The following BRWD1 variants were observed in gnomAD, a reference collection of about 807,000 sequenced individuals.
BRWD1 encodes the protein bromodomain and WD repeat-containing protein 1.
A neutral mutation model predicts 251.2 loss-of-function variants in BRWD1; 82 were observed. That is an observed-to-expected ratio of 0.33 (90% CI 0.27 to 0.39). The LOEUF is 0.39. BRWD1 is among the 10% of genes least tolerant of loss of function. BRWD1 has a pLI of 1.00. For synonymous variants in BRWD1, 918 were observed against 902.8 expected, an observed-to-expected ratio of 1.02 and a Z score of -0.30; for missense variants, 2,233 against 2,711.6, an observed-to-expected ratio of 0.82 and a Z score of 3.92.
At chr21:39,277,122 A>G in intron 11 of BRWD1, 129 bp downstream of exon 11, 1 of 526,340 alleles carries the variant, frequency 1.9e-6, no homozygotes, top group Non-Finnish European at 3.1e-6. Flanking sequence ...AAAAAGTTAT[A>G]AATGACAGTT....
intron 5 of BRWD1, 160 bp downstream of exon 5, chr21:39,298,272 A>C (rs1488707030): frequency 7.7e-7 from 1 of 1,292,842 alleles, no homozygotes; most frequent in Non-Finnish European, 9.9e-7. Flanking sequence ...CTTATGTAAT[A>C]AAATTCAATG....
intron 8 of BRWD1, among the ~76,000 whole-genome samples, chr21:39,286,385 G>A (rs907953541): frequency 5.9e-5 from 9 of 152,014 alleles, no homozygotes; most frequent in African/African-American, 4.8e-5. Flanking sequence ...TGCAGCCATC[G>A]CCACTACCTA....
intron 25 of BRWD1, among the ~76,000 whole-genome samples, chr21:39,230,409 C>T (rs1052232764): frequency 3.3e-5 from 5 of 152,254 alleles, no homozygotes; most frequent in South Asian, 2.1e-4. Flanking sequence ...TTATTCACAG[C>T]AGTTATGTTC....
At chr21:39,283,401 G>A (rs1191667775) in intron 8 of BRWD1, among the ~76,000 whole-genome samples, 2 of 152,050 alleles carry the variant, frequency 1.3e-5, no homozygotes, top group Non-Finnish European at 1.5e-5. Context: ...CCAAGACTCC[G>A]GTCAGTATTT....
At position 39,264,781 on chromosome 21, in the gene BRWD1, A is replaced by C; in HGVS notation, c.1660-96T>G. On this transcript the variant is annotated intron_variant, in intron 16 of 40. Transcript: ENST00000342449. ...TTAATTAAAACTAGAAAAACAAGGA[A>C]ATCAAATCACTCAGCTAAACTGTTT... is the stretch of plus-strand genomic sequence containing the variant. 4.0e-6 allele frequency: 6 copies of C among 1,515,318 alleles called. 1 individual carries two copies. In the South Asian group the frequency reaches 4.9e-5, roughly 12 times the overall value. 93.9% of individuals were successfully genotyped at this position (1,515,318 alleles called of 1,614,324 possible). A position where few individuals can be genotyped will look rare whatever the true frequency, so the allele number is the denominator to read the frequency against.
At chr21:39,238,378 C>G in intron 22 of BRWD1, 101 bp downstream of exon 22, 2 of 845,340 alleles carry the variant, frequency 2.4e-6, no homozygotes, top group East Asian at 2.7e-5. Context: ...AAAAACTGTT[C>G]CACAGTTGCA....
chr21:39,264,428 TAAAA>T (rs33939736), intron 17 of BRWD1, 28 bp downstream of exon 17: 69,312 of 1,147,690 alleles, frequency 0.06, 17 homozygotes, highest in Middle Eastern at 0.076. Context: ...AGTACAACTT[TAAAA>T]AAAAAAAAAA....
chr21:39,238,629 C>T, intron 21 of BRWD1, 56 bp from the exon 22 acceptor site: 1 of 1,222,012 alleles, frequency 8.2e-7, no homozygotes, highest in South Asian at 1.2e-5. Flanking sequence ...CAACACATGT[C>T]CAGAAAAAAG....
At position 39,197,068 on chromosome 21, in the gene BRWD1, G is replaced by A. The variant is rs1003037448; in HGVS notation, c.6001C>T (p.Pro2001Ser). Residue 2001 changes from proline (P) to serine (S), a missense_variant, in exon 41 of 41, where the codon CCT (proline) becomes TCT (serine). Around this residue, in one of 12 missense-constraint regions of BRWD1, gnomAD observed 928 missense variants for 970.0 expected, o/e 0.96. Coordinates refer to ENST00000342449, the MANE Select transcript of BRWD1 (RefSeq NM_033656.4). ...ACTTTTGTACTACCTTCGGAGTCAG[G>A]ATCAGGTGGCTTGCCTTCACAGGCA... ...QYACEGKPPD[P>S]DSEGSTKVLS... 3.7e-6 allele frequency: 6 copies of A among 1,614,010 alleles called. No individual in the cohort carries two copies. The African/African-American group carries it at 6.7e-5, about 18-fold the overall frequency.
intron 31 of BRWD1, chr21:39,217,010 AATATATATATATAT>A (rs67133519): frequency 1.3e-5 from 1 of 78,146 alleles, no homozygotes; most frequent in Non-Finnish European, 2.2e-5. Context: ...AGCTCCCACA[AATATATATATATAT>A]ATATATATAT....
intron 9 of BRWD1, among the ~76,000 whole-genome samples, chr21:39,279,331 T>C (rs1276019546): frequency 6.6e-6 from 1 of 152,160 alleles, no homozygotes; most frequent in East Asian, 1.9e-4. Flanking sequence ...ATACTCGTTA[T>C]TCAAGATATG....
chr21:39,270,097 T>C (rs983402665), intron 14 of BRWD1, 64 bp from the exon 15 acceptor site: 52 of 1,354,186 alleles, frequency 3.8e-5, no homozygotes, highest in Non-Finnish European at 4.7e-5. Context: ...AATTTAAAAA[T>C]ACATACTGTT....
Position 39,236,704 on chromosome 21 carries a change from C to A in BRWD1, c.2657G>T (p.Arg886Leu), listed in dbSNP as rs1320404225. ...LQPPLRTSCR[R>L]RITRFCSSSE... is the part of the protein sequence containing the mutation. ...ACTACTACAAAATCGAGTAATTCGT[C>A]GACGACATGATGTTCTTAAAGGAGG... Residue 886 changes from arginine to leucine, a missense_variant, in exon 23 of 41, where the codon CGA becomes CTA. Arg to Leu is a moderately radical substitution (Grantham distance 102, BLOSUM62 -2). Around this residue, in one of 12 missense-constraint regions of BRWD1, gnomAD observed 214 missense variants for 222.0 expected, o/e 0.96. Transcript: ENST00000342449. 1.2e-6 allele frequency: 2 copies of A among 1,614,014 alleles called. No individual in the cohort carries two copies. The highest frequency in any genetic ancestry group is 8.5e-7 in the Non-Finnish European group (1 of 1,179,978).
chr21:39,265,122 A>T, intron 15 of BRWD1, 103 bp from the exon 16 acceptor site: 4 of 368,278 alleles, frequency 1.1e-5, no homozygotes, highest in East Asian at 1.0e-4. Context: ...ATCCCTTCTG[A>T]AAAAAAAAAA....
rs753403146 is a variant in BRWD1, at chr21:39,196,275, T to C, written c.6794A>G (p.Asn2265Ser). 1.1e-5 allele frequency: 17 copies of C among 1,600,762 alleles called. No homozygotes were observed. Among genetic ancestry groups the C allele is most frequent in the Middle Eastern group, 1.7e-4 (1 of 6,008 alleles). ...CCCTCAAGGTCATAAGGTGCAACCA[T>C]TGAAATCTAACACATTTTCTAAACT... is the stretch of plus-strand genomic sequence containing the variant. ...DRSLENVLDF[N>S]GCTL Residue 2265 changes from asparagine to serine, a missense_variant, in exon 41 of 41, where the codon AAT becomes AGT. Physicochemically the swap from Asn to Ser is conservative, Grantham distance 46. This residue lies in a region of BRWD1 where 928 missense variants were observed against 970.0 expected (regional missense o/e 0.96). Coordinates refer to ENST00000342449, the MANE Select transcript of BRWD1 (RefSeq NM_033656.4).
chr21:39,221,705 G>A (rs1049218568), intron 29 of BRWD1, among the ~76,000 whole-genome samples: 3 of 152,122 alleles, frequency 2.0e-5, no homozygotes, highest in African/African-American at 4.8e-5. Context: ...GGAGGCCAAC[G>A]CAGGCATATC....
rs1351961614 is a variant in BRWD1 at position 39,199,596 on chromosome 21, G to A, written c.4820C>T (p.Ser1607Phe). The A allele has an allele frequency of 1.2e-6, 2 of 1,613,942 alleles. No individual in the cohort carries two copies. The highest frequency in any genetic ancestry group is 3.3e-5 in the Admixed American group (2 of 59,982). Reference sequence around the variant, plus strand: ...ACCAGTCTCCAATGAATTGTTATCAGAATCACTTAAATAGACTCTCTTTCG... The same window carrying A: ...ACCAGTCTCCAATGAATTGTTATCAAAATCACTTAAATAGACTCTCTTTCG... ...ATRKRVYLSDSDNNSLETGEI... is the reference protein window; with the variant it reads ...ATRKRVYLSDFDNNSLETGEI... The change falls in exon 40 of 41, where the codon TCT (serine) becomes TTT (phenylalanine). Residue 1607 changes from serine (S) to phenylalanine (F), a missense_variant. Physicochemically the swap from Ser to Phe is radical, Grantham distance 155. Around this residue, in one of 12 missense-constraint regions of BRWD1, gnomAD observed 928 missense variants for 970.0 expected, o/e 0.96. Coordinates refer to ENST00000342449, the MANE Select transcript of BRWD1 (RefSeq NM_033656.4).
At chr21:39,284,617 T>C (rs186119533) in intron 8 of BRWD1, among the ~76,000 whole-genome samples, 104 of 152,348 alleles carry the variant, frequency 6.8e-4, no homozygotes, top group African/African-American at 2.4e-3. Flanking sequence ...AGAACAGCCA[T>C]TCTGACTGGG....
intron 32 of BRWD1, among the ~76,000 whole-genome samples, chr21:39,214,354 T>A (rs1424350397): frequency 7.2e-5 from 11 of 152,094 alleles, no homozygotes; most frequent in Admixed American, 6.5e-4. Flanking sequence ...CAGGACATAA[T>A]CTGAAACATT....
Sources: allele counts gnomAD v4.1 joint callset (sites outside exome capture counted in the v4.1 genomes callset), GRCh38; gene constraint gnomAD v4.1.1; regional missense constraint gnomAD v4.1.1; transcripts MANE v1.5; gene names NCBI Gene and HGNC (gene_info 2026-07-23, HGNC 2026-07-21).